PTPRD: variants seen among roughly 807,000 people sequenced by gnomAD.
PTPRD encodes protein tyrosine phosphatase receptor type D.
Under a neutral mutation model 214.5 loss-of-function variants are expected in PTPRD, and 34 were observed. That is an observed-to-expected ratio of 0.16 (90% confidence interval 0.12 to 0.21). The LOEUF (loss-of-function observed/expected upper bound fraction) is 0.21, where lower values mean the gene tolerates loss of function less well. PTPRD is among the 10% of genes least tolerant of loss of function. PTPRD has a pLI of 1.00. For synonymous variants in PTPRD, 1,128 were observed against 845.7 expected (o/e 1.33, Z -5.79); for missense variants, 2,545 against 2,398.7 (o/e 1.06, Z -1.27).
intron 7 of PTPRD, among the ~76,000 whole-genome samples, chr9:9,603,984 A>AG (rs796485683): frequency 2.0e-5 from 3 of 152,122 alleles, no homozygotes; most frequent in Non-Finnish European, 2.9e-5. Context: ...ACAACTCATT[A>AG]AAATTTTTTT....
At chr9:8,393,770 G>T (rs1425072126) in intron 36 of PTPRD, among the ~76,000 whole-genome samples, 1 of 152,110 alleles carries the variant, frequency 6.6e-6, no homozygotes, top group African/African-American at 2.4e-5. Flanking sequence ...TCTTACACAT[G>T]AGAAACCTAA....
chr9:8,585,919 T>C (rs754167969), intron 14 of PTPRD, among the ~76,000 whole-genome samples: 4 of 152,200 alleles, frequency 2.6e-5, no homozygotes, highest in Non-Finnish European at 5.9e-5. Context: ...TCTGCCATGA[T>C]TGTGCCATCA....
chr9:9,209,079 A>G (rs1008641109), intron 9 of PTPRD, among the ~76,000 whole-genome samples: 2 of 152,272 alleles, frequency 1.3e-5, no homozygotes, highest in East Asian at 3.9e-4. Context: ...AAGTGCTGGA[A>G]TTACAGGCTT....
At chr9:8,542,054 C>T (rs990425098) in intron 14 of PTPRD, among the ~76,000 whole-genome samples, 25 of 152,006 alleles carry the variant, frequency 1.6e-4, no homozygotes, top group Non-Finnish European at 2.9e-5. Context: ...AATTCTAAAA[C>T]CTTGACCTTC....
intron 8 of PTPRD, among the ~76,000 whole-genome samples, chr9:9,472,161 G>C (rs887118672): frequency 6.1e-5 from 9 of 148,698 alleles, no homozygotes; most frequent in Non-Finnish European, 1.2e-4. Flanking sequence ...AATAATACAT[G>C]AGCATGATAA....
chr9:9,901,429 A>T (rs190214828), intron 5 of PTPRD, among the ~76,000 whole-genome samples: 2 of 134,476 alleles, frequency 1.5e-5, no homozygotes, highest in Admixed American at 1.4e-4. Context: ...TTGCAAAGAT[A>T]ATCCTCTTTC....
chr9:9,434,189 A>C (rs937827256), intron 8 of PTPRD, among the ~76,000 whole-genome samples: 2 of 152,156 alleles, frequency 1.3e-5, no homozygotes, highest in African/African-American at 4.8e-5. Flanking sequence ...AAGTATTCTA[A>C]ATTAATGTTT....
intron 14 of PTPRD, among the ~76,000 whole-genome samples, chr9:8,582,448 C>T (rs982321649): frequency 6.6e-6 from 1 of 152,018 alleles, no homozygotes; most frequent in Non-Finnish European, 1.5e-5. Flanking sequence ...AAAAAACAAA[C>T]ATCATAATGA....
chr9:9,238,040 G>T (rs2130770590), intron 9 of PTPRD, among the ~76,000 whole-genome samples: 1 of 152,176 alleles, frequency 6.6e-6, no homozygotes, highest in African/African-American at 2.4e-5. Context: ...TTGGTGAAGA[G>T]TAGATACAAG....
intron 2 of PTPRD, among the ~76,000 whole-genome samples, chr9:10,470,320 C>G (rs2099022215): frequency 6.6e-6 from 1 of 151,764 alleles, no homozygotes; most frequent in Admixed American, 6.6e-5. Context: ...TCAAAAATAG[C>G]AATATAAGAT....
intron 2 of PTPRD, among the ~76,000 whole-genome samples, chr9:10,565,551 T>C (rs890090609): frequency 4.6e-5 from 7 of 152,070 alleles, no homozygotes; most frequent in African/African-American, 1.7e-4. Context: ...TAGTAAGTAC[T>C]GCAAAATTTT....
At chr9:9,356,192 C>T (rs1438212672) in intron 9 of PTPRD, among the ~76,000 whole-genome samples, 1 of 150,618 alleles carries the variant, frequency 6.6e-6, no homozygotes, top group Non-Finnish European at 1.5e-5. Flanking sequence ...GTGAATCTGG[C>T]AGAGGAAATG....
intron 5 of PTPRD, among the ~76,000 whole-genome samples, chr9:9,855,080 A>C (rs1331069135): frequency 2.6e-5 from 4 of 152,232 alleles, no homozygotes; most frequent in African/African-American, 9.6e-5. Context: ...GCAGACATCT[A>C]AGTGATTCAA....
chr9:8,776,130 A>G (rs760058088), intron 11 of PTPRD, among the ~76,000 whole-genome samples: 2 of 152,204 alleles, frequency 1.3e-5, no homozygotes, highest in African/African-American at 2.4e-5. Flanking sequence ...CTCAATAACT[A>G]GAAATAATTA....
intron 5 of PTPRD, among the ~76,000 whole-genome samples, chr9:9,836,383 G>A (rs1031210575): frequency 6.6e-6 from 1 of 152,090 alleles, no homozygotes; most frequent in African/African-American, 2.4e-5. Flanking sequence ...TCTCTGATGG[G>A]ACTGCTGAAT....
chr9:8,551,315 A>G (rs751414763), intron 14 of PTPRD, among the ~76,000 whole-genome samples: 2 of 152,162 alleles, frequency 1.3e-5, no homozygotes, highest in Non-Finnish European at 2.9e-5. Flanking sequence ...TTCTCCATTA[A>G]CAGACATTTA....
At chr9:9,483,877 C>A (rs910733775) in intron 8 of PTPRD, among the ~76,000 whole-genome samples, 9 of 149,742 alleles carry the variant, frequency 6.0e-5, no homozygotes, top group African/African-American at 2.2e-4. Context: ...TTTTGAAAAT[C>A]AACAAAACAG....
chr9:9,709,392 T>C (rs1425701909), intron 7 of PTPRD, among the ~76,000 whole-genome samples: 2 of 152,002 alleles, frequency 1.3e-5, no homozygotes, highest in Non-Finnish European at 2.9e-5. Flanking sequence ...TGCACTCTTT[T>C]GCTGTGGTAA....
intron 3 of PTPRD, among the ~76,000 whole-genome samples, chr9:10,144,506 T>C (rs965286924): frequency 7.2e-5 from 11 of 152,044 alleles, no homozygotes; most frequent in Non-Finnish European, 1.5e-4. Context: ...ACCCACATTG[T>C]CTAAAAATAG....
Sources: allele counts gnomAD v4.1 joint callset (sites outside exome capture counted in the v4.1 genomes callset), GRCh38; gene constraint gnomAD v4.1.1; transcripts MANE v1.5; gene names NCBI Gene and HGNC (gene_info 2026-07-23, HGNC 2026-07-21).